The following SLCO1B1 variants were observed in gnomAD, a reference collection of about 807,000 sequenced individuals.
The protein encoded by SLCO1B1 is OATP-2.
In SLCO1B1, 81 loss-of-function variants were observed where a neutral mutation model predicts 70.1. That is an observed-to-expected ratio of 1.16 (90% CI 0.97 to 1.39). The LOEUF (loss-of-function observed/expected upper bound fraction) is 1.39, where lower values mean the gene tolerates loss of function less well. Ranked by LOEUF, SLCO1B1 falls within the 40% of genes most tolerant of loss-of-function variation. The pLI is 0.00. For missense variants in SLCO1B1, 895 were observed against 799.6 expected (o/e 1.12, Z -1.44); for synonymous variants, 283 against 271.5 (o/e 1.04, Z -0.42).
intron 12 of SLCO1B1, among the ~76,000 whole-genome samples, chr12:21,219,197 G>A (rs1941394334): frequency 6.6e-6 from 1 of 152,108 alleles, no homozygotes; most frequent in Non-Finnish European, 1.5e-5. Flanking sequence ...ATAAATCACA[G>A]TTAAGAAAAT....
chr12:21,152,533 C>CTTTTTTTGTTTTTTTTTTTTTTTTTT lies in SLCO1B1; in HGVS notation c.84+10882_84+10883insGTTTTTTTTTTTTTTTTTTTTTTTTT, dbSNP rs1940485401. Reference sequence around the variant, plus strand: ...TTGCTAAGGTGTGGGAGAGGAGAGGCTTTTTTTTTTTTTTTTTTGCCTCTG... The same window carrying CTTTTTTTGTTTTTTTTTTTTTTTTTT: ...TTGCTAAGGTGTGGGAGAGGAGAGGCTTTTTTTGTTTTTTTTTTTTTTTTTTTTTTTTTTTTTTTTTTTTGCCTCTG... On this transcript the variant is annotated intron_variant, in intron 2 of 14. Coordinates refer to ENST00000256958, the MANE Select transcript of SLCO1B1 (RefSeq NM_006446.5). Among the ~76,000 whole-genome samples the CTTTTTTTGTTTTTTTTTTTTTTTTTT allele has an allele frequency of 5.8e-5, 2 of 34,358 alleles. 1 individual carries two copies. The highest frequency in any genetic ancestry group is 1.0e-4 in the Non-Finnish European group (2 of 19,386). 22.5% of individuals were successfully genotyped at this position (34,358 alleles called of 152,430 possible). A position where few individuals can be genotyped will look rare whatever the true frequency, so the allele number is the denominator to read the frequency against.
At chr12:21,143,613 A>T (rs543057857) in intron 2 of SLCO1B1, among the ~76,000 whole-genome samples, 1 of 152,120 alleles carries the variant, frequency 6.6e-6, no homozygotes, top group African/African-American at 2.4e-5. Context: ...AGACAGGGCA[A>T]ATGTCTTCTC....
At chr12:21,139,125 G>A (rs1316351313) in intron 1 of SLCO1B1, among the ~76,000 whole-genome samples, 15 of 151,974 alleles carry the variant, frequency 9.9e-5, no homozygotes. Context: ...GAAAATCGAA[G>A]CCTAAAACTA....
At chr12:21,202,019 C>T (rs1348903017) in intron 9 of SLCO1B1, among the ~76,000 whole-genome samples, 1 of 152,140 alleles carries the variant, frequency 6.6e-6, no homozygotes, top group African/African-American at 2.4e-5. Flanking sequence ...CCATGGAATA[C>T]TATGCAGCCA....
At chr12:21,148,974 T>A (rs1315185580) in intron 2 of SLCO1B1, among the ~76,000 whole-genome samples, 1 of 152,188 alleles carries the variant, frequency 6.6e-6, no homozygotes, top group Non-Finnish European at 1.5e-5. Flanking sequence ...TATTTTATTC[T>A]CATTGTAGCA....
intron 11 of SLCO1B1, among the ~76,000 whole-genome samples, chr12:21,211,449 T>C (rs963582563): frequency 6.6e-6 from 1 of 152,290 alleles, no homozygotes; most frequent in African/African-American, 2.4e-5. Context: ...GATGTGCTGC[T>C]GGATTCATTT....
intron 1 of SLCO1B1, among the ~76,000 whole-genome samples, chr12:21,136,330 A>C (rs1591794096): frequency 6.6e-6 from 1 of 151,958 alleles, no homozygotes; most frequent in East Asian, 1.9e-4. Context: ...CTTCTCGAGG[A>C]GTATCTTTGT....
chr12:21,191,025 C>T (rs528838132), intron 7 of SLCO1B1, among the ~76,000 whole-genome samples: 69 of 151,890 alleles, frequency 4.5e-4, no homozygotes, highest in African/African-American at 1.6e-3. Flanking sequence ...ATGCTGGTAC[C>T]ATATTATATT....
intron 14 of SLCO1B1, among the ~76,000 whole-genome samples, chr12:21,232,769 G>A (rs1941554518): frequency 6.6e-6 from 1 of 151,956 alleles, no homozygotes; most frequent in South Asian, 2.1e-4. Context: ...GAGAGACAGA[G>A]ACCAGAAGCT....
chr12:21,153,255 C>T (rs1322238471), intron 2 of SLCO1B1, among the ~76,000 whole-genome samples: 1 of 152,102 alleles, frequency 6.6e-6, no homozygotes. Flanking sequence ...AGCCTAGAAA[C>T]CAGAAATACC....
At chr12:21,176,374 G>T (rs944123735) in intron 4 of SLCO1B1, among the ~76,000 whole-genome samples, 1 of 151,992 alleles carries the variant, frequency 6.6e-6, no homozygotes, top group African/African-American at 2.4e-5. Flanking sequence ...ACATTAGAGC[G>T]TGTGTGTGAA....
chr12:21,178,874 A>G, intron 6 of SLCO1B1, 48 bp from the exon 7 acceptor site: 1 of 1,414,004 alleles, frequency 7.1e-7, no homozygotes, highest in Non-Finnish European at 1.0e-6. Context: ...GGTGAATAAG[A>G]ACCATGCATT....
chr12:21,157,221 G>A (rs1278989468), intron 2 of SLCO1B1, among the ~76,000 whole-genome samples: 1 of 152,082 alleles, frequency 6.6e-6, no homozygotes, highest in Admixed American at 6.6e-5. Flanking sequence ...TGACTTTAAA[G>A]TACCTTCACT....
chr12:21,221,492 G>A (rs1224290172), intron 12 of SLCO1B1, among the ~76,000 whole-genome samples: 1 of 151,960 alleles, frequency 6.6e-6, no homozygotes, highest in Non-Finnish European at 1.5e-5. Context: ...CCTACAGGAA[G>A]GGAAAAAATA....
chr12:21,200,117 G>C (rs1941139103), intron 8 of SLCO1B1, among the ~76,000 whole-genome samples: 1 of 151,918 alleles, frequency 6.6e-6, no homozygotes, highest in Non-Finnish European at 1.5e-5. Context: ...TTTGTTTTTT[G>C]AACAATTAGC....
intron 10 of SLCO1B1, 127 bp from the exon 11 acceptor site, chr12:21,205,741 G>A: frequency 1.5e-6 from 1 of 670,014 alleles, no homozygotes; most frequent in South Asian, 2.4e-5. Context: ...TTCATATAAA[G>A]AAAAATTCTT....
At chr12:21,182,055 T>C (rs1940905360) in intron 7 of SLCO1B1, among the ~76,000 whole-genome samples, 1 of 152,106 alleles carries the variant, frequency 6.6e-6, no homozygotes, top group Admixed American at 6.6e-5. Flanking sequence ...TTGAATAAAC[T>C]AACATACTTC....
intron 1 of SLCO1B1, among the ~76,000 whole-genome samples, chr12:21,136,420 G>A (rs1940221806): frequency 6.6e-6 from 1 of 152,188 alleles, no homozygotes. Flanking sequence ...ATATCCTGCA[G>A]AGTGTTTTCC....
At chr12:21,150,990 G>A (rs930827928) in intron 2 of SLCO1B1, among the ~76,000 whole-genome samples, 2 of 152,114 alleles carry the variant, frequency 1.3e-5, no homozygotes, top group Non-Finnish European at 2.9e-5. Flanking sequence ...AATGCATTAT[G>A]AGAAATGCAT....
Sources: gnomAD v4.1 joint callset for allele counts (sites outside exome capture counted in the v4.1 genomes callset) on GRCh38, gnomAD v4.1.1 for gene constraint, MANE v1.5 for transcripts, NCBI Gene and HGNC (gene_info 2026-07-23, HGNC 2026-07-21) for gene names.